Variants in CDYL observed in about 807,000 individuals in gnomAD.
CDYL encodes chromodomain Y-like protein.
Under a neutral mutation model 47.3 loss-of-function variants are expected in CDYL, and 8 were observed. That is an observed-to-expected ratio of 0.17 (90% confidence interval 0.10 to 0.31). CDYL has a LOEUF of 0.31. Ranked by LOEUF, CDYL falls within the 10% of genes least tolerant of loss-of-function variation. The pLI is 1.00. For synonymous variants in CDYL, 266 were observed against 265.0 expected (o/e 1.00, Z -0.04); for missense variants, 471 against 701.4 (o/e 0.67, Z 3.71).
chr6:4,883,992 C>G (rs1305720806), intron 1 of CDYL, among the ~76,000 whole-genome samples: 2 of 152,182 alleles, frequency 1.3e-5, no homozygotes, highest in African/African-American at 4.8e-5. Context: ...CATTGACTCA[C>G]CATGTGTGTG....
intron 2 of CDYL, among the ~76,000 whole-genome samples, chr6:4,896,242 G>T (rs888239494): frequency 1.3e-5 from 2 of 152,210 alleles, no homozygotes; most frequent in African/African-American, 4.8e-5. Context: ...TGCAAAGCTG[G>T]TGGAGCCCCT....
At chr6:4,878,933 A>AT (rs906005929) in intron 1 of CDYL, among the ~76,000 whole-genome samples, 2 of 151,772 alleles carry the variant, frequency 1.3e-5, no homozygotes, top group Non-Finnish European at 2.9e-5. Context: ...ATTTTCTAAC[A>AT]TTTTTTGTGT....
intron 2 of CDYL, among the ~76,000 whole-genome samples, chr6:4,930,939 A>G (rs553765426): frequency 1.3e-5 from 2 of 152,298 alleles, no homozygotes; most frequent in Non-Finnish European, 2.9e-5. Context: ...GAGTCGCACT[A>G]ATTTCCACAG....
chr6:4,738,309 A>T (rs944422897), intron 3 of CDYL, among the ~76,000 whole-genome samples: 1 of 152,178 alleles, frequency 6.6e-6, no homozygotes, highest in Non-Finnish European at 1.5e-5. Flanking sequence ...CCTGGGAGGC[A>T]GAGGTTGCAG....
rs142667724 is a variant in CDYL, at chr6:4,915,585, C to T, written c.692-19930C>T. 2.4e-3 allele frequency among the ~76,000 whole-genome samples: 371 copies of T among 152,306 alleles called. 4 individuals carry two copies. Among genetic ancestry groups the T allele is most frequent in the African/African-American group, 8.6e-3 (356 of 41,556 alleles). Reference sequence around the variant, plus strand: ...ATTAAAAGAGAAATCCTAATACTGACAGAACAGACTCTGTAGCAACCAGAT... The same window carrying T: ...ATTAAAAGAGAAATCCTAATACTGATAGAACAGACTCTGTAGCAACCAGAT... On this transcript the variant is annotated intron_variant, in intron 2 of 6. Transcript: ENST00000397588.
chr6:4,785,550 G>A (rs976938401), intron 1 of CDYL, among the ~76,000 whole-genome samples: 2 of 152,120 alleles, frequency 1.3e-5, no homozygotes, highest in African/African-American at 4.8e-5. Context: ...TTACTGTTTA[G>A]GAATTCAAGG....
At chr6:4,842,650 T>C (rs1471877198) in intron 1 of CDYL, among the ~76,000 whole-genome samples, 3 of 152,166 alleles carry the variant, frequency 2.0e-5, no homozygotes, top group Non-Finnish European at 4.4e-5. Flanking sequence ...CTTAAGTTTA[T>C]GTGAGTACTT....
intron 2 of CDYL, among the ~76,000 whole-genome samples, chr6:4,913,478 T>G (rs1757469213): frequency 6.6e-6 from 1 of 152,202 alleles, no homozygotes; most frequent in Non-Finnish European, 1.5e-5. Context: ...TAAAACTGTT[T>G]GAAAAGTGAT....
rs1456292804 is a variant in CDYL at position 4,939,241 on chromosome 6, A to G, written c.1121+1504A>G. On this transcript the variant is annotated intron_variant, in intron 4 of 6. Transcript: ENST00000397588. ...GGTGCACTGGGCTTTCTAGCACCTA[A>G]ACCCTTCTAGAGCTTGCACAGCAGG... Among the ~76,000 whole-genome samples, 4 of 152,286 alleles carry G rather than the reference A, an allele frequency of 2.6e-5. No homozygotes were observed. In the East Asian group the frequency reaches 7.7e-4, roughly 29 times the overall value.
At chr6:4,877,601 A>G (rs1350598320) in intron 1 of CDYL, among the ~76,000 whole-genome samples, 1 of 152,160 alleles carries the variant, frequency 6.6e-6, no homozygotes, top group East Asian at 1.9e-4. Context: ...TTTCTTGGGG[A>G]TCTTTGTAAT....
chr6:4,728,038 C>T (rs1757545395), intron 2 of CDYL, among the ~76,000 whole-genome samples: 1 of 152,206 alleles, frequency 6.6e-6, no homozygotes, highest in African/African-American at 2.4e-5. Context: ...CTGAGACGAC[C>T]TACAAGTGCC....
chr6:4,875,174 T>C (rs1042246965), intron 1 of CDYL, among the ~76,000 whole-genome samples: 3 of 152,206 alleles, frequency 2.0e-5, no homozygotes, highest in Non-Finnish European at 4.4e-5. Flanking sequence ...TTGTCCTGCA[T>C]CCTAGCAGCA....
chr6:4,746,271 G>C (rs1299286949), intron 3 of CDYL, among the ~76,000 whole-genome samples: 1 of 151,556 alleles, frequency 6.6e-6, no homozygotes. Flanking sequence ...GGCTGAGACA[G>C]GAGAATCACT....
At chr6:4,923,444 C>T (rs903169286) in intron 2 of CDYL, among the ~76,000 whole-genome samples, 1 of 151,990 alleles carries the variant, frequency 6.6e-6, no homozygotes, top group African/African-American at 2.4e-5. Flanking sequence ...GTGTATATAC[C>T]AACATTTTCT....
intron 1 of CDYL, among the ~76,000 whole-genome samples, chr6:4,842,385 A>G (rs937617892): frequency 6.6e-6 from 1 of 151,450 alleles, no homozygotes; most frequent in Non-Finnish European, 1.5e-5. Flanking sequence ...ACTATATATT[A>G]TTATTGTGTT....
chr6:4,922,114 G>T (rs898881002), intron 2 of CDYL, among the ~76,000 whole-genome samples: 3 of 152,130 alleles, frequency 2.0e-5, no homozygotes, highest in African/African-American at 7.2e-5. Context: ...CAGTGACCTT[G>T]GGCAGGCGAG....
intron 3 of CDYL, among the ~76,000 whole-genome samples, chr6:4,752,030 C>T (rs183053946): frequency 6.6e-6 from 1 of 152,350 alleles, no homozygotes; most frequent in East Asian, 1.9e-4. Flanking sequence ...CCATCTCCAA[C>T]ATGTGTTGCT....
intron 3 of CDYL, among the ~76,000 whole-genome samples, chr6:4,735,025 G>A (rs1400118131): frequency 6.6e-6 from 1 of 152,190 alleles, no homozygotes; most frequent in Admixed American, 6.5e-5. Flanking sequence ...AGTGGCTCAT[G>A]CCTGTAATCC....
intron 2 of CDYL, among the ~76,000 whole-genome samples, chr6:4,897,251 C>T (rs946782544): frequency 3.3e-5 from 5 of 152,118 alleles, no homozygotes; most frequent in African/African-American, 1.2e-4. Flanking sequence ...AAACTTAAAA[C>T]AAATAGGTGT....
Sources: gnomAD v4.1 joint callset for allele counts (sites outside exome capture counted in the v4.1 genomes callset) on GRCh38, gnomAD v4.1.1 for gene constraint, MANE v1.5 for transcripts, NCBI Gene and HGNC (gene_info 2026-07-23, HGNC 2026-07-21) for gene names.